TEX9: variants seen among roughly 807,000 people sequenced by gnomAD.
TEX9 encodes the protein testis-expressed protein 9.
In TEX9, 74 loss-of-function variants were observed where a neutral mutation model predicts 59.6. That is an observed-to-expected ratio of 1.24 (90% CI 1.03 to 1.51). The LOEUF (loss-of-function observed/expected upper bound fraction) is 1.51, where lower values mean the gene tolerates loss of function less well. Ranked by LOEUF, TEX9 falls within the 40% of genes most tolerant of loss-of-function variation. TEX9 has a pLI of 0.00. For synonymous variants in TEX9, 186 were observed against 152.2 expected (o/e 1.22, Z -1.64); for missense variants, 522 against 447.8 (o/e 1.17, Z -1.49).
intron 3 of TEX9, among the ~76,000 whole-genome samples, chr15:56,379,207 G>A (rs1308025413): frequency 6.6e-6 from 1 of 151,950 alleles, no homozygotes; most frequent in Non-Finnish European, 1.5e-5. Context: ...TTCCCTCTCA[G>A]TACTGCTTTC....
intron 1 of TEX9, among the ~76,000 whole-genome samples, chr15:56,306,231 C>T (rs188188029): frequency 8.1e-6 from 1 of 123,542 alleles, no homozygotes; most frequent in East Asian, 2.3e-4. Flanking sequence ...ACCAGCAATG[C>T]CACTGCTAGG....
At chr15:56,246,747 A>C (rs527608241) in intron 1 of TEX9, among the ~76,000 whole-genome samples, 1 of 152,306 alleles carries the variant, frequency 6.6e-6, no homozygotes, top group East Asian at 1.9e-4. Context: ...GAGGAGCCTA[A>C]GTTTATTCTC....
intron 12 of TEX9, among the ~76,000 whole-genome samples, chr15:56,432,338 G>C (rs1403916298): frequency 6.6e-6 from 1 of 152,138 alleles, no homozygotes; most frequent in Admixed American, 6.5e-5. Context: ...GAATAGCTTT[G>C]GTGTAGGAAA....
chr15:56,252,186 A>T (rs1460049492), intron 1 of TEX9, among the ~76,000 whole-genome samples: 1 of 151,720 alleles, frequency 6.6e-6, no homozygotes, highest in Non-Finnish European at 1.5e-5. Context: ...ATACTATCTC[A>T]TTGTAGGCTA....
At chr15:56,451,126 C>A in the TEX9 span, among the ~76,000 whole-genome samples, 1 of 152,082 alleles carries the variant, frequency 6.6e-6, no homozygotes, top group Non-Finnish European at 1.5e-5. Context: ...GATATTAAAT[C>A]CTTATCAGAG....
At position 56,334,131 on chromosome 15, in the gene TEX9, C is replaced by T. The variant is rs143852337; in HGVS notation, c.-106-39310C>T. Among the ~76,000 whole-genome samples the T allele has an allele frequency of 3.1e-3, 473 of 152,184 alleles. 4 individuals carry two copies. The highest frequency in any genetic ancestry group is 0.01 in the African/African-American group (435 of 41,526). On this transcript the variant is annotated intron_variant, in intron 1 of 5. Transcript: ENST00000560827. ...TAATGCAATCCCTATCAAAATACCACGGACATTCTTCACAGAAACAAAAAA... is the reference window on the plus strand; with the variant it reads ...TAATGCAATCCCTATCAAAATACCATGGACATTCTTCACAGAAACAAAAAA...
At chr15:56,447,557 ACTTT>A (rs2050916154), downstream of TEX9, 1 of 152,122 alleles carries the variant, frequency 6.6e-6, no homozygotes, top group Non-Finnish European at 1.5e-5. Context: ...TTCAAATCTC[ACTTT>A]CTAATTGTTG....
At chr15:56,268,572 A>T (rs192529046) in intron 1 of TEX9, among the ~76,000 whole-genome samples, 532 of 152,188 alleles carry the variant, frequency 3.5e-3, no homozygotes, top group Non-Finnish European at 5.7e-3. Context: ...TTCTGCATCT[A>T]TTGAGATAAT....
Position 56,406,515 on chromosome 15 carries a change from A to T in TEX9, c.829-5787A>T, listed in dbSNP as rs1596199954. ...AAAGTGTATGCTTAACTTTTTAAGA[A>T]ACTGCTAAACTGTGTTCCACAGTGA... On this transcript the variant is annotated intron_variant, in intron 9 of 12. Coordinates refer to ENST00000352903, the Ensembl canonical transcript of TEX9. Among the ~76,000 whole-genome samples, 3 of 152,278 alleles carry T rather than the reference A, an allele frequency of 2.0e-5. No homozygotes were observed. The East Asian group carries it at 5.8e-4, about 29-fold the overall frequency.
At position 56,443,469 on chromosome 15, in the gene TEX9, G is replaced by T. The variant is rs368744792; in HGVS notation, c.*30-2202G>T. The T allele has an allele frequency of 3.8e-6, 6 of 1,597,460 alleles. No individual in the cohort carries two copies. In the African/African-American group the frequency reaches 8.1e-5, roughly 22 times the overall value. On this transcript the variant is annotated intron_variant, in intron 12 of 12. Coordinates refer to ENST00000352903, the Ensembl canonical transcript of TEX9. ...TATATATTTCAGCTTGTTCTTCCTG[G>T]TATAATTCTTGTCGCACTTGTTCCA...
At chr15:56,434,884 T>TA (rs1164066235) in intron 12 of TEX9, among the ~76,000 whole-genome samples, 10 of 152,120 alleles carry the variant, frequency 6.6e-5, no homozygotes, top group Non-Finnish European at 1.2e-4. Context: ...CTCTAAAATT[T>TA]AAAAACAATT....
At chr15:56,404,321 A>G (rs1243686948) in intron 9 of TEX9, among the ~76,000 whole-genome samples, 2 of 152,200 alleles carry the variant, frequency 1.3e-5, no homozygotes, top group Non-Finnish European at 1.5e-5. Context: ...AAAGTGGGCA[A>G]AGGATATGAA....
At chr15:56,254,783 T>C (rs1326244305) in intron 1 of TEX9, among the ~76,000 whole-genome samples, 11 of 150,710 alleles carry the variant, frequency 7.3e-5, no homozygotes, top group Admixed American at 3.3e-4. Flanking sequence ...TTATTGTATA[T>C]AAAATATATA....
At chr15:56,383,392 T>A (rs1432926743) in intron 3 of TEX9, among the ~76,000 whole-genome samples, 1 of 152,366 alleles carries the variant, frequency 6.6e-6, no homozygotes, top group East Asian at 1.9e-4. Context: ...CTTGTGATGA[T>A]GTTTTTGTGT....
intron 1 of TEX9, among the ~76,000 whole-genome samples, chr15:56,294,613 C>G (rs925417639): frequency 1.3e-5 from 2 of 152,184 alleles, no homozygotes; most frequent in Non-Finnish European, 2.9e-5. Flanking sequence ...TCTTAAGGAG[C>G]CTTTGGTAAT....
chr15:56,456,274 G>T, the TEX9 span: 1 of 862,054 alleles, frequency 1.2e-6, no homozygotes, highest in Non-Finnish European at 1.7e-6. Context: ...AGTATTTCCA[G>T]GTAAAATATT....
chr15:56,319,341 A>C (rs1166828471), intron 1 of TEX9, among the ~76,000 whole-genome samples: 2 of 144,034 alleles, frequency 1.4e-5, no homozygotes, highest in African/African-American at 4.9e-5. Context: ...CATGATACAC[A>C]AGCAGAAGAC....
At chr15:56,438,457 C>G (rs541319246) in intron 12 of TEX9, among the ~76,000 whole-genome samples, 3 of 152,218 alleles carry the variant, frequency 2.0e-5, no homozygotes, top group Non-Finnish European at 2.9e-5. Flanking sequence ...AAAGCTGAAA[C>G]TGGATCCCTT....
chr15:56,280,654 G>C (rs555093367), intron 1 of TEX9, among the ~76,000 whole-genome samples: 1 of 152,136 alleles, frequency 6.6e-6, no homozygotes, highest in Non-Finnish European at 1.5e-5. Flanking sequence ...GAACGTAACT[G>C]TAATAATGTT....
Sources: gnomAD v4.1 joint callset for allele counts (sites outside exome capture counted in the v4.1 genomes callset) on GRCh38, gnomAD v4.1.1 for gene constraint, MANE v1.5 for transcripts, NCBI Gene and HGNC (gene_info 2026-07-23, HGNC 2026-07-21) for gene names.